The following KLHL29 variants were observed in gnomAD, a reference collection of about 807,000 sequenced individuals.
The protein encoded by KLHL29 is kelch-like protein 29.
KLHL29 carries 21 observed loss-of-function variants against 80.4 expected under a neutral mutation model. The ratio of observed to expected loss-of-function variants is 0.26; its 90% CI spans 0.19 to 0.38. KLHL29 has a LOEUF of 0.38. KLHL29 is among the 10% of genes least tolerant of loss of function. The pLI is 1.00. For missense variants in KLHL29, 867 were observed against 1,223.9 expected (o/e 0.71, Z 4.35); for synonymous variants, 511 against 526.8 (o/e 0.97, Z 0.41).
At chr2:23,666,417 G>C (rs1007194) in intron 5 of KLHL29, among the ~76,000 whole-genome samples, 60,312 of 151,906 alleles carry the variant, frequency 0.4, 14,197 homozygotes, top group East Asian at 0.77. Flanking sequence ...TCGGCTTGGG[G>C]AGGACACTAT....
intron 1 of KLHL29, among the ~76,000 whole-genome samples, chr2:23,441,788 C>T (rs1349994459): frequency 6.6e-6 from 1 of 152,152 alleles, no homozygotes; most frequent in Non-Finnish European, 1.5e-5. Context: ...TTGGGCTTTT[C>T]ACAGCATGAT....
chr2:23,491,210 T>A (rs750988902), intron 2 of KLHL29, among the ~76,000 whole-genome samples: 1 of 152,040 alleles, frequency 6.6e-6, no homozygotes, highest in Non-Finnish European at 1.5e-5. Flanking sequence ...CTGTGGAAGC[T>A]CACTGCCCCT....
At chr2:23,613,406 T>A (rs1233257230) in intron 3 of KLHL29, among the ~76,000 whole-genome samples, 1 of 152,182 alleles carries the variant, frequency 6.6e-6, no homozygotes, top group Non-Finnish European at 1.5e-5. Flanking sequence ...CAGGTGTAGC[T>A]ACATCAGTAT....
At chr2:23,652,079 C>G (rs894482221) in intron 5 of KLHL29, among the ~76,000 whole-genome samples, 1 of 152,210 alleles carries the variant, frequency 6.6e-6, no homozygotes, top group African/African-American at 2.4e-5. Flanking sequence ...AGGGTAGCCC[C>G]TCACAAGGCA....
At chr2:23,466,828 G>A (rs1337593381) in intron 1 of KLHL29, among the ~76,000 whole-genome samples, 1 of 152,190 alleles carries the variant, frequency 6.6e-6, no homozygotes, top group Non-Finnish European at 1.5e-5. Context: ...TACTAGGGAG[G>A]GGAGAGGACC....
At chr2:23,630,918 G>A (rs147358021) in intron 3 of KLHL29, among the ~76,000 whole-genome samples, 60 of 152,368 alleles carry the variant, frequency 3.9e-4, no homozygotes, top group African/African-American at 1.4e-3. Flanking sequence ...TGTTAGGACA[G>A]TGGCTGGCCA....
rs539256439 is a variant in KLHL29 at position 23,485,482 on chromosome 2, G to A, written c.-46+9815G>A. 2.6e-5 allele frequency among the ~76,000 whole-genome samples: 4 copies of A among 152,268 alleles called. No homozygotes were observed. In the East Asian group the frequency reaches 7.7e-4, roughly 29 times the overall value. The stretch of plus-strand genomic sequence containing the variant: ...TGCTCTCCCAAGGCCACCACCCCTG[G>A]GGACATGGTGCACCCAGCCAGAGCC... On this transcript the variant is annotated intron_variant, in intron 2 of 13. Transcript: ENST00000486442.
At chr2:23,591,546 C>T (rs1668261013) in intron 3 of KLHL29, among the ~76,000 whole-genome samples, 1 of 151,450 alleles carries the variant, frequency 6.6e-6, no homozygotes, top group East Asian at 2.0e-4. Context: ...TCCTCCTGCT[C>T]CTTACCCCCC....
intron 2 of KLHL29, among the ~76,000 whole-genome samples, chr2:23,526,850 A>G (rs1182994229): frequency 1.3e-5 from 2 of 152,164 alleles, no homozygotes; most frequent in Admixed American, 1.3e-4. Flanking sequence ...TGAACGCTGC[A>G]TGCACATCAG....
intron 2 of KLHL29, among the ~76,000 whole-genome samples, chr2:23,520,481 C>A (rs1412953957): frequency 6.6e-6 from 1 of 152,180 alleles, no homozygotes; most frequent in Non-Finnish European, 1.5e-5. Flanking sequence ...GCTGTGTTTG[C>A]TTGTGTTGGA....
chr2:23,581,052 A>G (rs1667967720), intron 3 of KLHL29, among the ~76,000 whole-genome samples: 1 of 152,128 alleles, frequency 6.6e-6, no homozygotes, highest in Non-Finnish European at 1.5e-5. Context: ...TCATAGTGAA[A>G]TACAAATTCT....
intron 2 of KLHL29, among the ~76,000 whole-genome samples, chr2:23,520,739 C>T (rs1252810918): frequency 6.6e-6 from 1 of 152,204 alleles, no homozygotes; most frequent in East Asian, 1.9e-4. Flanking sequence ...TAAGGTGACT[C>T]TTTCATACAT....
At chr2:23,673,434 ACAC>A (rs1670826688) in intron 5 of KLHL29, among the ~76,000 whole-genome samples, 1 of 146,370 alleles carries the variant, frequency 6.8e-6, no homozygotes, top group Non-Finnish European at 1.5e-5. Context: ...ACACACCCCC[ACAC>A]CACATGCTGT....
At chr2:23,631,101 G>A (rs1193274512) in intron 3 of KLHL29, among the ~76,000 whole-genome samples, 1 of 152,186 alleles carries the variant, frequency 6.6e-6, no homozygotes, top group African/African-American at 2.4e-5. Context: ...GGCCAGGCCT[G>A]GGGCCCAGAC....
At chr2:23,566,729 C>G (rs1166522730) in intron 3 of KLHL29, among the ~76,000 whole-genome samples, 1 of 152,184 alleles carries the variant, frequency 6.6e-6, no homozygotes. Flanking sequence ...TTCTTTGTCT[C>G]TAAGAATTGG....
chr2:23,618,617 T>C (rs1669083695), intron 3 of KLHL29, among the ~76,000 whole-genome samples: 1 of 152,198 alleles, frequency 6.6e-6, no homozygotes, highest in African/African-American at 2.4e-5. Context: ...CAGTTCCCGC[T>C]CCTGGGTCTC....
chr2:23,700,402 T>G lies in KLHL29; in HGVS notation c.2106-2784T>G, dbSNP rs1362534462. ...TTCCTAATTTTTTACTACATGTTAC[T>G]ACTCTCTTGGGCCTTGAGGTTATAT... On this transcript the variant is annotated intron_variant, in intron 11 of 13. Coordinates refer to ENST00000486442, the MANE Select transcript of KLHL29 (RefSeq NM_052920.2). The surrounding 1 kb of genome is among the most constrained non-coding windows in gnomAD (Gnocchi z 4.6). Among the ~76,000 whole-genome samples the G allele has an allele frequency of 6.6e-6, 1 of 152,362 alleles. No individual in the cohort carries two copies. Among genetic ancestry groups the G allele is most frequent in the African/African-American group, 2.4e-5 (1 of 41,588 alleles).
chr2:23,666,741 A>G (rs1350369833), intron 5 of KLHL29, among the ~76,000 whole-genome samples: 1 of 152,116 alleles, frequency 6.6e-6, no homozygotes, highest in Non-Finnish European at 1.5e-5. Context: ...TCAGGCAGAC[A>G]GCACATGTGG....
chr2:23,604,989 C>A (rs1216731434), intron 3 of KLHL29, among the ~76,000 whole-genome samples: 1 of 152,166 alleles, frequency 6.6e-6, no homozygotes. Flanking sequence ...GCTGAGCGCC[C>A]CAACTCCACC....
Sources: allele counts gnomAD v4.1 joint callset (sites outside exome capture counted in the v4.1 genomes callset), GRCh38; gene constraint gnomAD v4.1.1; non-coding constraint Gnocchi (gnomAD v3.1); transcripts MANE v1.5; gene names NCBI Gene and HGNC (gene_info 2026-07-23, HGNC 2026-07-21).